The following EPC2 variants were observed in gnomAD, a reference collection of about 807,000 sequenced individuals.
The protein encoded by EPC2 is enhancer of polycomb 2, also known as enhancer of polycomb homolog 2.
A neutral mutation model predicts 92.1 loss-of-function variants in EPC2; 14 were observed. The observed-to-expected ratio is 0.15, with a 90% CI of 0.10 to 0.24. The LOEUF is 0.24. Ranked by LOEUF, EPC2 falls within the 10% of genes least tolerant of loss-of-function variation. EPC2 has a pLI of 1.00. For missense variants in EPC2, 755 were observed against 971.5 expected (o/e 0.78, Z 2.96); for synonymous variants, 340 against 334.7 (o/e 1.02, Z -0.17).
chr2:148,645,970 G>A (rs970913548), intron 1 of EPC2, among the ~76,000 whole-genome samples: 2 of 152,224 alleles, frequency 1.3e-5, no homozygotes, highest in Admixed American at 6.5e-5. Context: ...CATCTAAATT[G>A]GCAGTTGTAA....
chr2:148,690,458 G>C (rs1681623915), intron 2 of EPC2, 85 bp downstream of exon 2: 3 of 1,311,698 alleles, frequency 2.3e-6, no homozygotes, highest in Non-Finnish European at 3.1e-6. Flanking sequence ...AAGAAATTCT[G>C]ATTTTTTAAT....
intron 2 of EPC2, among the ~76,000 whole-genome samples, chr2:148,729,908 A>G (rs1004971323): frequency 1.3e-5 from 2 of 152,142 alleles, no homozygotes; most frequent in Admixed American, 1.3e-4. Flanking sequence ...GGCCAGTAAT[A>G]TTTGTTACTT....
At chr2:148,713,753 A>C (rs2105385989) in intron 2 of EPC2, among the ~76,000 whole-genome samples, 1 of 152,330 alleles carries the variant, frequency 6.6e-6, no homozygotes, top group Non-Finnish European at 1.5e-5. Context: ...ACAGTTGCCT[A>C]CACTAGCATG....
In EPC2 at chr2:148,744,754, A is replaced by C. The variant is rs1414904526; in HGVS notation, c.459+987A>C. Among the ~76,000 whole-genome samples the C allele has an allele frequency of 2.0e-5, 3 of 152,066 alleles. No homozygotes were observed. The East Asian group carries it at 5.8e-4, about 29-fold the overall frequency. ...TTTTAAAATAAACTTTTTAAACATA[A>C]GTTTTGGTGTACCTGTGTGGTATAT... On this transcript the variant is annotated intron_variant, in intron 3 of 13. Transcript: ENST00000258484.
intron 2 of EPC2, among the ~76,000 whole-genome samples, chr2:148,699,231 C>G (rs1471824797): frequency 6.6e-6 from 1 of 152,160 alleles, no homozygotes; most frequent in Non-Finnish European, 1.5e-5. Flanking sequence ...TTTTCATGTG[C>G]TACCCCTACA....
intron 3 of EPC2, among the ~76,000 whole-genome samples, chr2:148,752,698 T>C (rs928883628): frequency 3.3e-5 from 5 of 152,226 alleles, no homozygotes; most frequent in African/African-American, 7.2e-5. Flanking sequence ...GGCAGACAAA[T>C]TACAATAAGA....
At chr2:148,767,197 C>CAA in intron 7 of EPC2, among the ~76,000 whole-genome samples, 1 of 124,320 alleles carries the variant, frequency 8.0e-6, no homozygotes, top group South Asian at 2.7e-4. Flanking sequence ...GACCCTGTTT[C>CAA]AAAAAAAAAA....
chr2:148,677,673 G>A (rs6746790), intron 1 of EPC2, among the ~76,000 whole-genome samples: 27,113 of 152,098 alleles, frequency 0.18, 3,488 homozygotes, highest in East Asian at 0.48. Flanking sequence ...CTTAAAGGTG[G>A]TGTGTCCAGA....
At chr2:148,733,544 C>T (rs1463178164) in intron 2 of EPC2, among the ~76,000 whole-genome samples, 6 of 112,186 alleles carry the variant, frequency 5.3e-5, no homozygotes, top group East Asian at 5.8e-4. Context: ...GTCACCCAGG[C>T]GGGAGTGCAG....
intron 10 of EPC2, among the ~76,000 whole-genome samples, chr2:148,775,854 T>C (rs1683631839): frequency 7.1e-6 from 1 of 140,082 alleles, no homozygotes; most frequent in African/African-American, 2.6e-5. Context: ...CTCGGCTCAC[T>C]GCAAGCTCTG....
At chr2:148,663,652 A>T (rs1357373656) in intron 1 of EPC2, among the ~76,000 whole-genome samples, 2 of 113,782 alleles carry the variant, frequency 1.8e-5, no homozygotes, top group African/African-American at 3.5e-5. Context: ...TGAAGCCTGG[A>T]TCATCACTGG....
intron 3 of EPC2, among the ~76,000 whole-genome samples, chr2:148,750,894 G>C (rs945701993): frequency 2.0e-5 from 3 of 152,116 alleles, no homozygotes; most frequent in African/African-American, 4.8e-5. Context: ...GTGTAGCAAA[G>C]AGGTGTTCAC....
intron 7 of EPC2, among the ~76,000 whole-genome samples, chr2:148,766,371 T>C (rs1202907400): frequency 6.6e-6 from 1 of 152,212 alleles, no homozygotes; most frequent in African/African-American, 2.4e-5. Context: ...CACCAATTGG[T>C]TTTTCTACCC....
Position 148,709,978 on chromosome 2 carries a change from A to G in EPC2, c.313+19605A>G, listed in dbSNP as rs182742009. Among the ~76,000 whole-genome samples the G allele has an allele frequency of 4.6e-3, 695 of 152,310 alleles. 2 individuals carry two copies. Among genetic ancestry groups the G allele is most frequent in the African/African-American group, 0.016 (648 of 41,586 alleles). ...TAAAACACCAAAAGCAATGGCAAAA[A>G]AAGCCAAAATTGACAAATGGGATCT... On this transcript the variant is annotated intron_variant, in intron 2 of 13. Transcript: ENST00000258484.
At chr2:148,721,712 C>CTTTTTTTTT (rs34017461) in intron 2 of EPC2, among the ~76,000 whole-genome samples, 2 of 111,534 alleles carry the variant, frequency 1.8e-5, no homozygotes, top group Admixed American at 9.0e-5. Flanking sequence ...CTGTTTTATT[C>CTTTTTTTTT]TTTTTTTTTT....
At chr2:148,772,811 A>ATT (rs2105432906) in intron 10 of EPC2, among the ~76,000 whole-genome samples, 1 of 152,252 alleles carries the variant, frequency 6.6e-6, no homozygotes, top group East Asian at 1.9e-4. Flanking sequence ...AAGTTGACAA[A>ATT]TATTAAATCA....
intron 4 of EPC2, among the ~76,000 whole-genome samples, chr2:148,755,766 ATTTC>A (rs1208423798): frequency 6.6e-6 from 1 of 152,166 alleles, no homozygotes; most frequent in African/African-American, 2.4e-5. Context: ...TTGTTCGATT[ATTTC>A]TTTAAGAGAC....
chr2:148,695,604 C>T (rs1415641044), intron 2 of EPC2, among the ~76,000 whole-genome samples: 1 of 152,136 alleles, frequency 6.6e-6, no homozygotes, highest in Non-Finnish European at 1.5e-5. Context: ...ATATTCTCTG[C>T]ATTATGCAAA....
At chr2:148,660,358 G>A (rs1680907045) in intron 1 of EPC2, among the ~76,000 whole-genome samples, 2 of 152,126 alleles carry the variant, frequency 1.3e-5, no homozygotes, top group Admixed American at 1.3e-4. Context: ...ATGGCAGCTT[G>A]TATTGGGTCA....
Sources: allele counts gnomAD v4.1 joint callset (sites outside exome capture counted in the v4.1 genomes callset), GRCh38; gene constraint gnomAD v4.1.1; transcripts MANE v1.5; gene names NCBI Gene and HGNC (gene_info 2026-07-23, HGNC 2026-07-21).